The following RIOX2 variants were observed in gnomAD, a reference collection of about 807,000 sequenced individuals.
RIOX2 encodes 60S ribosomal protein L27a histidine hydroxylase.
A neutral mutation model predicts 51.2 loss-of-function variants in RIOX2; 43 were observed. The ratio of observed to expected loss-of-function variants is 0.84; its 90% confidence interval spans 0.66 to 1.08. The LOEUF is 1.08. Ranked by LOEUF, RIOX2 falls within the 50% of genes least tolerant of loss-of-function variation. RIOX2 has a pLI of 0.00. For missense variants in RIOX2, 566 were observed against 561.7 expected, an observed-to-expected ratio of 1.01 and a Z score of -0.08; for synonymous variants, 226 against 218.5, an observed-to-expected ratio of 1.03 and a Z score of -0.30.
chr3:97,957,554 C>A (rs1475983361), intron 4 of RIOX2, among the ~76,000 whole-genome samples: 1 of 149,268 alleles, frequency 6.7e-6, no homozygotes, highest in Non-Finnish European at 1.5e-5. Context: ...CAATACTGTA[C>A]AACATGGTCT....
chr3:97,961,585 T>A lies in RIOX2; in HGVS notation c.552+4A>T. The A allele has an allele frequency of 6.3e-7, 1 of 1,594,536 alleles. No individual in the cohort carries two copies. The highest frequency in any genetic ancestry group is 8.5e-7 in the Non-Finnish European group (1 of 1,174,032). On this transcript the variant is annotated splice_donor_region_variant and intron_variant, in intron 3 of 9. Transcript: ENST00000394198. ...AACATGGGGCAATTTTCTCCATCTC[T>A]TACCTCGACATCATCATAATGGGGC... is the stretch of plus-strand genomic sequence containing the variant.
intron 8 of RIOX2, among the ~76,000 whole-genome samples, chr3:97,946,171 A>T (rs2040351830): frequency 6.6e-6 from 1 of 152,124 alleles, no homozygotes; most frequent in East Asian, 1.9e-4. Context: ...CTGGAAGAGC[A>T]TCTTCAGGAT....
rs746338780 is a variant in RIOX2 at position 97,945,871 on chromosome 3, T to A, written c.1166A>T (p.Lys389Met). Residue 389 changes from lysine (K) to methionine (M), a missense_variant, in exon 9 of 10, where the codon AAG (lysine) becomes ATG (methionine). Physicochemically the swap from Lys to Met is moderately conservative, Grantham distance 95 (BLOSUM62 -1). Transcript: ENST00000394198. ...DQDQSDEAQE[K>M]MVYIYHSLKN... ...TAAGGAATGATAGATGTACACCATC[T>A]TTTCTTGAGCTTCATCCTTTGGGGA... The A allele has an allele frequency of 1.9e-6, 3 of 1,607,796 alleles. No individual in the cohort carries two copies. Among genetic ancestry groups the A allele is most frequent in the Non-Finnish European group, 2.6e-6 (3 of 1,175,136 alleles).
Position 97,967,239 on chromosome 3 carries a change from C to T in RIOX2, c.355G>A (p.Ala119Thr), listed in dbSNP as rs1705924895. ...KKKVLNKDGK[A>T]HFLQLRKDFD... ...TCTTTTCTCAGCTGAAGAAAGTGTGCTTTGCCATCTTTATTTAAAACCTTC... is the reference window on the plus strand; with the variant it reads ...TCTTTTCTCAGCTGAAGAAAGTGTGTTTTGCCATCTTTATTTAAAACCTTC... The change falls in exon 2 of 10, where the codon GCA becomes ACA. Residue 119 changes from alanine (A) to threonine (T), a missense_variant. Physicochemically the swap from Ala to Thr is moderately conservative, Grantham distance 58 (BLOSUM62 0). Coordinates refer to ENST00000394198, the MANE Select transcript of RIOX2 (RefSeq NM_153182.4). 2 of 1,614,190 alleles carry T rather than the reference C, an allele frequency of 1.2e-6. No homozygotes were observed. The highest frequency in any genetic ancestry group is 1.7e-6 in the Non-Finnish European group (2 of 1,180,034).
chr3:97,958,987 T>A (rs966590361), intron 4 of RIOX2, 64 bp downstream of exon 4: 145 of 1,505,102 alleles, frequency 9.6e-5, no homozygotes, highest in Middle Eastern at 1.8e-4. Flanking sequence ...CCTGAACTTG[T>A]CTTAGCAATA....
At chr3:97,967,659 T>C (rs1705946070) in intron 1 of RIOX2, 27 bp from the exon 2 acceptor site, 3 of 1,466,756 alleles carry the variant, frequency 2.0e-6, no homozygotes, top group Non-Finnish European at 2.7e-6. Flanking sequence ...ACACACATGG[T>C]TAGGTTTACA....
At position 97,945,895 on chromosome 3, in the gene RIOX2, GA is replaced by G; in HGVS notation, c.1150-9del. On this transcript the variant is annotated splice_polypyrimidine_tract_variant and intron_variant, in intron 8 of 9. Transcript: ENST00000394198. ...CTTTTCTTGAGCTTCATCCTTTGGG[GA>G]AAAAATAAATGCATTAGGCCATCAA... is the stretch of plus-strand genomic sequence containing the variant. 1 of 1,591,548 alleles carries G rather than the reference GA, an allele frequency of 6.3e-7. No homozygotes were observed.
intron 7 of RIOX2, among the ~76,000 whole-genome samples, chr3:97,949,224 ACTT>A (rs1410054887): frequency 6.6e-6 from 1 of 151,958 alleles, no homozygotes; most frequent in Non-Finnish European, 1.5e-5. Flanking sequence ...GCGGTGAGTG[ACTT>A]CTTGTTCCAT....
intron 5 of RIOX2, among the ~76,000 whole-genome samples, chr3:97,952,898 A>G (rs17374916): frequency 0.25 from 37,463 of 151,822 alleles, 4,998 homozygotes; most frequent in Middle Eastern, 0.35. Flanking sequence ...TGGGCCTTCT[A>G]CTTGTGGGAA....
In RIOX2 at chr3:97,944,797, A is replaced by C. The variant is rs573815094; in HGVS notation, c.*387T>G. ...TTTTCATTATAAAAAACCAGTTTAAAATTTTTTCTTATTTTAATTGTTTGA... is the reference window on the plus strand; with the variant it reads ...TTTTCATTATAAAAAACCAGTTTAACATTTTTTCTTATTTTAATTGTTTGA... On this transcript the variant is annotated 3_prime_UTR_variant, in exon 10 of 10. Transcript: ENST00000394198. 6.4e-6 allele frequency: 1 copy of C among 155,764 alleles called. No individual in the cohort carries two copies. The highest frequency in any genetic ancestry group is 2.4e-5 in the African/African-American group (1 of 41,606). 9.6% of individuals were successfully genotyped at this position (155,764 alleles called of 1,614,324 possible). A position where few individuals can be genotyped will look rare whatever the true frequency, so the allele number is the denominator to read the frequency against.
intron 8 of RIOX2, among the ~76,000 whole-genome samples, chr3:97,946,509 A>G (rs1054504385): frequency 4.0e-5 from 6 of 150,156 alleles, no homozygotes; most frequent in Non-Finnish European, 7.4e-5. Context: ...CTAGCGTACA[A>G]TGTCTCAAAC....
intron 4 of RIOX2, among the ~76,000 whole-genome samples, chr3:97,955,843 A>G (rs965474986): frequency 1.3e-5 from 2 of 152,218 alleles, no homozygotes; most frequent in Non-Finnish European, 2.9e-5. Flanking sequence ...TACTGCTCCT[A>G]GGCTCCAAAC....
At chr3:97,963,019 A>G (rs1047026826) in intron 2 of RIOX2, among the ~76,000 whole-genome samples, 3 of 152,236 alleles carry the variant, frequency 2.0e-5, no homozygotes, top group Non-Finnish European at 4.4e-5. Context: ...GAGCAAACCA[A>G]TGGCCACAGC....
At chr3:97,946,987 A>C (rs184711470) in intron 8 of RIOX2, among the ~76,000 whole-genome samples, 1 of 152,224 alleles carries the variant, frequency 6.6e-6, no homozygotes, top group African/African-American at 2.4e-5. Flanking sequence ...GTTTAAGGAG[A>C]TGCAACAATA....
intron 3 of RIOX2, among the ~76,000 whole-genome samples, chr3:97,959,675 T>C (rs561222484): frequency 6.6e-6 from 1 of 152,186 alleles, no homozygotes; most frequent in Non-Finnish European, 1.5e-5. Flanking sequence ...ATAAATTATA[T>C]TGGAAAATTT....
intron 2 of RIOX2, 28 bp downstream of exon 2, chr3:97,967,134 A>G (rs1189161100): frequency 1.9e-6 from 3 of 1,595,830 alleles, no homozygotes; most frequent in African/African-American, 1.3e-5. Flanking sequence ...AAAATGTATG[A>G]GGATTCTGCA....
rs1705273477 is a variant in RIOX2, at chr3:97,952,049, G to A, written c.786-1161C>T. 5 of 572,808 alleles carry A rather than the reference G, an allele frequency of 8.7e-6. No individual in the cohort carries two copies. The Admixed American group carries it at 1.2e-4, about 13-fold the overall frequency. 35.5% of individuals were successfully genotyped at this position (572,808 alleles called of 1,614,324 possible). A position where few individuals can be genotyped will look rare whatever the true frequency, so the allele number is the denominator to read the frequency against. ...ACAATTTAGGAATATCTCTTGAAGGGTCCACTTTGGTAAAACAACCAAATC... is the reference window on the plus strand; with the variant it reads ...ACAATTTAGGAATATCTCTTGAAGGATCCACTTTGGTAAAACAACCAAATC... On this transcript the variant is annotated intron_variant, in intron 5 of 9. Transcript: ENST00000394198.
At chr3:97,964,753 AG>A (rs1160641566) in intron 2 of RIOX2, among the ~76,000 whole-genome samples, 2 of 151,522 alleles carry the variant, frequency 1.3e-5, no homozygotes, top group Non-Finnish European at 2.9e-5. Flanking sequence ...ATGGAACAAA[AG>A]CTGCCCTATT....
intron 2 of RIOX2, among the ~76,000 whole-genome samples, chr3:97,963,846 C>G (rs948213849): frequency 6.6e-6 from 1 of 152,188 alleles, no homozygotes. Flanking sequence ...TAGAAGAGAT[C>G]TGGAGTCAAA....
Sources: gnomAD v4.1 joint callset for allele counts (sites outside exome capture counted in the v4.1 genomes callset) on GRCh38, gnomAD v4.1.1 for gene constraint, MANE v1.5 for transcripts, NCBI Gene and HGNC (gene_info 2026-07-23, HGNC 2026-07-21) for gene names.